PISD: variants seen among roughly 807,000 people sequenced by gnomAD.
PISD encodes the protein phosphatidylserine decarboxylase.
PISD carries 31 observed loss-of-function variants against 43.5 expected under a neutral mutation model. The observed-to-expected ratio is 0.71, with a 90% CI of 0.54 to 0.96. PISD has a LOEUF of 0.96. Ranked by LOEUF, PISD falls within the 40% of genes least tolerant of loss-of-function variation. The pLI, the probability that PISD is intolerant of heterozygous loss-of-function variation, is 0.00. For synonymous variants in PISD, 259 were observed against 228.7 expected (o/e 1.13, Z -1.20); for missense variants, 523 against 548.4 (o/e 0.95, Z 0.46).
intron 3 of PISD, chr22:31,638,484 A>G (rs2073584015): frequency 6.1e-6 from 6 of 985,526 alleles, no homozygotes; most frequent in Non-Finnish European, 7.2e-6. Context: ...GGGAAGAGGG[A>G]GAAACGCTTG....
At chr22:31,650,222 A>G (rs2073994559) in intron 2 of PISD, among the ~76,000 whole-genome samples, 1 of 152,206 alleles carries the variant, frequency 6.6e-6, no homozygotes, top group African/African-American at 2.4e-5. Flanking sequence ...TCAGGCCTGT[A>G]ATGCCAACAC....
intron 1 of PISD, among the ~76,000 whole-genome samples, chr22:31,655,091 A>AG (rs1328281215): frequency 6.6e-6 from 1 of 151,080 alleles, no homozygotes; most frequent in East Asian, 1.9e-4. Context: ...AAAAAAAAAA[A>AG]AAAAAAAAAG....
At position 31,637,154 on chromosome 22, in the gene PISD, AAAAAAAAAAAATATATATATATATAT is replaced by A. The variant is rs1364242623; in HGVS notation, c.321+10921_321+10946del. Among the ~76,000 whole-genome samples, 24 of 43,206 alleles carry A rather than the reference AAAAAAAAAAAATATATATATATATAT, an allele frequency of 5.6e-4. 1 individual carries two copies. The highest frequency in any genetic ancestry group is 4.8e-3 in the Admixed American group (17 of 3,546). The allele number at this position is 43,206 out of a possible 152,430, so 28.3% of individuals were successfully genotyped here. ...AATAATAAATAAATTAAAAAAAAAA[AAAAAAAAAAAATATATATATATATAT>A]ATATATATATATATATATATATATA... On this transcript the variant is annotated intron_variant, in intron 3 of 7. Transcript: ENST00000439502.
intron 1 of PISD, among the ~76,000 whole-genome samples, chr22:31,657,676 C>T (rs1206382172): frequency 6.6e-6 from 1 of 152,048 alleles, no homozygotes; most frequent in Admixed American, 6.6e-5. Flanking sequence ...GAGCACACCA[C>T]CACACCCGGC....
chr22:31,630,620 T>A lies in PISD; in HGVS notation c.322-8735A>T. On this transcript the variant is annotated intron_variant, in intron 3 of 7. Coordinates refer to ENST00000439502, the MANE Select transcript of PISD (RefSeq NM_001326411.2). The surrounding 1 kb of genome is among the most constrained non-coding windows in gnomAD (Gnocchi z 4.4). ...AAAAAAGCCCACGACTCGCTCAACC[T>A]TGTCCGCGGGGCTCCTCAGGCCGGG... 1.5e-6 allele frequency: 1 copy of A among 658,304 alleles called. No individual in the cohort carries two copies. The highest frequency in any genetic ancestry group is 6.7e-5 in the South Asian group (1 of 14,868). The allele number at this position is 658,304 out of a possible 1,614,324, so 40.8% of individuals were successfully genotyped here. A position where few individuals can be genotyped will look rare whatever the true frequency, so the allele number is the denominator to read the frequency against.
At chr22:31,624,878 C>A (rs889326609) in intron 3 of PISD, among the ~76,000 whole-genome samples, 1 of 152,124 alleles carries the variant, frequency 6.6e-6, no homozygotes, top group African/African-American at 2.4e-5. Context: ...AGAGGCTGGA[C>A]GGGCCTTTCC....
chr22:31,646,036 A>G (rs770536035), intron 3 of PISD, among the ~76,000 whole-genome samples: 3 of 151,972 alleles, frequency 2.0e-5, no homozygotes, highest in Non-Finnish European at 4.4e-5. Flanking sequence ...GGATACTCAA[A>G]CTCCAATGTC....
At chr22:31,648,870 G>A (rs1007090623) in intron 2 of PISD, among the ~76,000 whole-genome samples, 60 of 152,068 alleles carry the variant, frequency 3.9e-4, no homozygotes, top group Admixed American at 2.8e-3. Flanking sequence ...TGAAAACACT[G>A]AATCGCAAAG....
At chr22:31,637,303 C>T (rs994969288) in intron 3 of PISD, among the ~76,000 whole-genome samples, 18 of 147,502 alleles carry the variant, frequency 1.2e-4, no homozygotes, top group African/African-American at 4.2e-4. Flanking sequence ...GTTGAGGCTG[C>T]AGTAAGCTGT....
chr22:31,643,334 T>C (rs2147768330), intron 3 of PISD, among the ~76,000 whole-genome samples: 1 of 152,244 alleles, frequency 6.6e-6, no homozygotes, highest in East Asian at 1.9e-4. Flanking sequence ...AGGATAATCT[T>C]TTCAACAAAT....
intron 3 of PISD, among the ~76,000 whole-genome samples, chr22:31,641,503 G>C (rs2073724824): frequency 1.3e-5 from 2 of 152,138 alleles, no homozygotes; most frequent in South Asian, 2.1e-4. Flanking sequence ...ATGCTACTCA[G>C]AACAGGGAGA....
At chr22:31,639,942 G>A (rs961959741) in intron 3 of PISD, among the ~76,000 whole-genome samples, 2 of 152,078 alleles carry the variant, frequency 1.3e-5, no homozygotes, top group African/African-American at 2.4e-5. Flanking sequence ...TCAGAGAAGC[G>A]GCTCTTCTAC....
intron 3 of PISD, among the ~76,000 whole-genome samples, chr22:31,634,619 C>A (rs1373097598): frequency 1.3e-5 from 2 of 152,096 alleles, no homozygotes; most frequent in East Asian, 3.8e-4. Flanking sequence ...GGGCAGATCA[C>A]CTGAGGTGAG....
At chr22:31,626,785 T>G (rs1644989936) in intron 3 of PISD, among the ~76,000 whole-genome samples, 1 of 152,222 alleles carries the variant, frequency 6.6e-6, no homozygotes, top group African/African-American at 2.4e-5. Context: ...AGAGCAAACA[T>G]GCTGAAGCTG....
Position 31,619,453 on chromosome 22 carries a change from G to A in PISD, c.*159C>T, listed in dbSNP as rs2072353444. The A allele has an allele frequency of 7.2e-6, 5 of 699,162 alleles. No homozygotes were observed. The highest frequency in any genetic ancestry group is 6.0e-5 in the Admixed American group (3 of 49,722). The allele number at this position is 699,162 out of a possible 1,614,324, so 43.3% of individuals were successfully genotyped here. ...CTCGCCACCTCTTGTCTGCACCTCT[G>A]GAACAGGTGGTAGCCGAATCATTCA... On this transcript the variant is annotated 3_prime_UTR_variant, in exon 8 of 8. Coordinates refer to ENST00000439502, the MANE Select transcript of PISD (RefSeq NM_001326411.2).
chr22:31,626,023 C>G, intron 3 of PISD: 1 of 1,434,100 alleles, frequency 7.0e-7, no homozygotes, highest in Non-Finnish European at 9.1e-7. Flanking sequence ...AGGGCTATTG[C>G]AGACAGACAG....
intron 3 of PISD, among the ~76,000 whole-genome samples, chr22:31,637,201 A>T (rs2073526761): frequency 8.9e-6 from 1 of 112,546 alleles, no homozygotes; most frequent in Admixed American, 9.4e-5. Context: ...ATATATATAT[A>T]TATATAGAAA....
Position 31,620,575 on chromosome 22 carries a change from G to A in PISD, c.983C>T (p.Ser328Phe), listed in dbSNP as rs1227363678. 3 of 1,614,094 alleles carry A rather than the reference G, an allele frequency of 1.9e-6. No homozygotes were observed. The highest frequency in any genetic ancestry group is 1.7e-6 in the Non-Finnish European group (2 of 1,180,042). Residue 328 changes from serine to phenylalanine, a missense_variant, in exon 7 of 8, where the codon TCC (serine) becomes TTC (phenylalanine). Coordinates refer to ENST00000439502, the MANE Select transcript of PISD (RefSeq NM_001326411.2). Reference protein sequence around the residue: ...LTAVGATNVGSIRIYFDRDLH... With the variant: ...LTAVGATNVGFIRIYFDRDLH... Reference sequence around the variant, plus strand: ...TACCCGGTCAAAGTAGATGCGAATGGAGCCCACGTTGGTGGCCCCCACAGC... The same window carrying A: ...TACCCGGTCAAAGTAGATGCGAATGAAGCCCACGTTGGTGGCCCCCACAGC...
At chr22:31,628,961 A>G (rs1407174221) in intron 3 of PISD, 12 of 985,246 alleles carry the variant, frequency 1.2e-5, no homozygotes, top group Non-Finnish European at 1.4e-5. Flanking sequence ...AGGAACCCAA[A>G]CTTGCGCGGA....
Sources: gnomAD v4.1 joint callset for allele counts (sites outside exome capture counted in the v4.1 genomes callset) on GRCh38, gnomAD v4.1.1 for gene constraint, Gnocchi (gnomAD v3.1) non-coding constraint, MANE v1.5 for transcripts, NCBI Gene and HGNC (gene_info 2026-07-23, HGNC 2026-07-21) for gene names.